Variants in AKNA observed in about 807,000 individuals in gnomAD.
AKNA encodes the protein microtubule organization protein AKNA.
Under a neutral mutation model 138.8 loss-of-function variants are expected in AKNA, and 67 were observed. The ratio of observed to expected loss-of-function variants is 0.48; its 90% CI spans 0.40 to 0.59. The LOEUF (loss-of-function observed/expected upper bound fraction) is 0.59, where lower values mean the gene tolerates loss of function less well. Among genes scored for constraint, AKNA ranks in the 20% least tolerant of loss-of-function variants. The probability of loss-of-function intolerance (pLI) is 0.00; values close to 1 mark genes in which losing one functional copy is unlikely to be tolerated. For missense variants in AKNA, 1,813 were observed against 1,880.4 expected (o/e 0.96, Z 0.66); for synonymous variants, 737 against 754.4 (o/e 0.98, Z 0.38).
intron 17 of AKNA, 37 bp from the exon 18 acceptor site, chr9:114,346,046 G>T (rs746355897): frequency 1.9e-6 from 3 of 1,602,124 alleles, no homozygotes; most frequent in East Asian, 2.2e-5. Context: ...AGGGGGCAAG[G>T]GGTGGGGGTC....
At position 114,376,954 on chromosome 9, in the gene AKNA, T is replaced by A. The variant is rs1221978486; in HGVS notation, c.853A>T (p.Thr285Ser). Residue 285 changes from threonine to serine, a missense_variant, in exon 3 of 22, where the codon ACC becomes TCC. Coordinates refer to ENST00000374088, the MANE Select transcript of AKNA (RefSeq NM_001317950.2). ...HATDRWRRET[T>S]RFFCPQPKEH... ...TTGGGCTGAGGGCAGAAGAATCTGG[T>A]CGTTTCTCTCCTCCATCTATCTGTG... 6.2e-7 allele frequency: 1 copy of A among 1,614,182 alleles called. No individual in the cohort carries two copies. The highest frequency in any genetic ancestry group is 1.1e-5 in the South Asian group (1 of 91,086).
In AKNA at chr9:114,337,154, T is replaced by G; in HGVS notation, c.4220A>C (p.Gln1407Pro). 1 of 1,610,910 alleles carries G rather than the reference T, an allele frequency of 6.2e-7. No individual in the cohort carries two copies. Residue 1407 changes from glutamine (Q) to proline (P), a missense_variant, in exon 22 of 22, where the codon CAG (glutamine) becomes CCG (proline). By Grantham distance (76) the Gln-to-Pro change is moderately conservative. Transcript: ENST00000374088. Reference protein sequence around the residue: ...ELNKALSRAVQAAESVRSTTR... With the variant: ...ELNKALSRAVPAAESVRSTTR... Reference sequence around the variant, plus strand: ...GGTAGAGCGGACGCTCTCGGCAGCCTGCACGGCCCGGCTCAGGGCCTTGTT... The same window carrying G: ...GGTAGAGCGGACGCTCTCGGCAGCCGGCACGGCCCGGCTCAGGGCCTTGTT...
At chr9:114,353,234 T>C (rs1432762948) in intron 14 of AKNA, among the ~76,000 whole-genome samples, 1 of 151,862 alleles carries the variant, frequency 6.6e-6, no homozygotes, top group African/African-American at 2.4e-5. Flanking sequence ...TCGCCAAATA[T>C]TCACATATAA....
In AKNA at chr9:114,343,844, A is replaced by C. The variant is rs763415523; in HGVS notation, c.3662-41T>G. 2.6e-6 allele frequency: 4 copies of C among 1,523,680 alleles called. No individual in the cohort carries two copies. In the African/African-American group the frequency reaches 5.5e-5, roughly 21 times the overall value. 94.4% of individuals were successfully genotyped at this position (1,523,680 alleles called of 1,614,324 possible). A position where few individuals can be genotyped will look rare whatever the true frequency, so the allele number is the denominator to read the frequency against. On this transcript the variant is annotated intron_variant, in intron 18 of 21. Coordinates refer to ENST00000374088, the MANE Select transcript of AKNA (RefSeq NM_001317950.2). ...AGAACTGTCAGTATCAGCCCTGTGG[A>C]TGGATGCAAAATAGAGGAAGATTCT...
intron 14 of AKNA, among the ~76,000 whole-genome samples, chr9:114,351,292 G>A (rs1002753189): frequency 2.6e-5 from 4 of 152,152 alleles, no homozygotes; most frequent in African/African-American, 7.2e-5. Context: ...CGAGTCTTCA[G>A]GAACTTCCCC....
chr9:114,394,009 C>A (rs1834451455), intron 1 of AKNA, among the ~76,000 whole-genome samples: 1 of 151,906 alleles, frequency 6.6e-6, no homozygotes, highest in Non-Finnish European at 1.5e-5. Context: ...CCCGTCTCTA[C>A]TAAAAATACA....
downstream of AKNA, among the ~76,000 whole-genome samples, chr9:114,332,743 C>T (rs1829879230): frequency 6.6e-6 from 1 of 152,174 alleles, no homozygotes. Flanking sequence ...CCACCCTGCT[C>T]CTCAGTTACA....
chr9:114,370,743 T>C (rs770847770), intron 4 of AKNA, among the ~76,000 whole-genome samples: 2 of 152,162 alleles, frequency 1.3e-5, no homozygotes, highest in African/African-American at 2.4e-5. Context: ...TCTGCACAGA[T>C]GGATTTCTCT....
intron 9 of AKNA, among the ~76,000 whole-genome samples, chr9:114,360,405 G>C (rs1367928459): frequency 6.6e-6 from 1 of 152,162 alleles, no homozygotes; most frequent in Admixed American, 6.5e-5. Context: ...GAGCAGAGTT[G>C]AGATTTAAAC....
intron 15 of AKNA, among the ~76,000 whole-genome samples, chr9:114,349,209 G>A (rs1274438555): frequency 4.6e-5 from 7 of 152,192 alleles, no homozygotes; most frequent in Admixed American, 1.3e-4. Flanking sequence ...GGCCGGGGGC[G>A]TGAGTCAGCC....
At chr9:114,369,998 C>T (rs1415698398) in intron 4 of AKNA, among the ~76,000 whole-genome samples, 3 of 152,298 alleles carry the variant, frequency 2.0e-5, no homozygotes, top group African/African-American at 7.2e-5. Flanking sequence ...AAGCAACACC[C>T]CTTAGTGGGA....
At chr9:114,339,150 C>T (rs1830177421) in intron 21 of AKNA, among the ~76,000 whole-genome samples, 1 of 152,122 alleles carries the variant, frequency 6.6e-6, no homozygotes, top group South Asian at 2.1e-4. Flanking sequence ...TTTCATACAC[C>T]CCCACCTTCT....
chr9:114,381,187 A>G lies in AKNA; in HGVS notation c.147T>C (p.Asn49=). 6.2e-7 allele frequency: 1 copy of G among 1,614,168 alleles called. No individual in the cohort carries two copies. The highest frequency in any genetic ancestry group is 8.5e-7 in the Non-Finnish European group (1 of 1,180,022). ...QSWEEERLFP[N]ATSPELLEDF... ...CCTCTAGGAGCTCGGGGCTGGTGGC[A>G]TTGGGAAAGAGTCTCTCTTCTTCCC... The change falls in exon 2 of 22, where the codon AAT becomes AAC. Residue 49 remains asparagine (N), a synonymous_variant. Coordinates refer to ENST00000374088, the MANE Select transcript of AKNA (RefSeq NM_001317950.2).
At chr9:114,370,516 G>A (rs553748039) in intron 4 of AKNA, among the ~76,000 whole-genome samples, 3 of 152,314 alleles carry the variant, frequency 2.0e-5, no homozygotes, top group East Asian at 1.9e-4. Flanking sequence ...CAGGCAGAGC[G>A]ATGAGGTGGG....
In AKNA at chr9:114,387,915, A is replaced by T. The variant is rs781566422; in HGVS notation, c.-169T>A. 2 of 454,608 alleles carry T rather than the reference A, an allele frequency of 4.4e-6. No individual in the cohort carries two copies. Among genetic ancestry groups the T allele is most frequent in the Non-Finnish European group, 4.4e-6 (1 of 225,954 alleles). The allele number at this position is 454,608 out of a possible 1,614,324, so 28.2% of individuals were successfully genotyped here. ...CCCAGTTTCAGGGGACCTGCCTGTG[A>T]ATTCTTTGTTCCAAACCCAGGGAGC... On this transcript the variant is annotated 5_prime_UTR_variant, in exon 1 of 22. Transcript: ENST00000374088.
At chr9:114,368,172 G>A (rs979405554) in intron 5 of AKNA, 2 of 367,930 alleles carry the variant, frequency 5.4e-6, no homozygotes, top group Non-Finnish European at 9.6e-6. Context: ...GGGCTCCCCA[G>A]GGACAATGCT....
rs952633082 is a variant in AKNA at position 114,347,896 on chromosome 9, C to G, written c.3226G>C (p.Ala1076Pro). Reference protein sequence around the residue: ...FLLTRAGRDQAICELQEEVSR... With the variant: ...FLLTRAGRDQPICELQEEVSR... ...ACCTCTTCTTGCAGCTCACAGATGG[C>G]CTGGCTGGGGTTGGAGTGGAGACAG... The change falls in exon 16 of 22, where the codon GCC becomes CCC. Residue 1076 changes from alanine to proline, a missense_variant. Physicochemically the swap from Ala to Pro is conservative, Grantham distance 27. Transcript: ENST00000374088. The G allele has an allele frequency of 1.5e-5, 23 of 1,551,302 alleles. No homozygotes were observed. The highest frequency in any genetic ancestry group is 1.8e-5 in the Non-Finnish European group (21 of 1,147,188).
chr9:114,376,923 T>C lies in AKNA; in HGVS notation c.884A>G (p.His295Arg), dbSNP rs1397532457. 3 of 1,614,064 alleles carry C rather than the reference T, an allele frequency of 1.9e-6. No homozygotes were observed. The highest frequency in any genetic ancestry group is 2.5e-6 in the Non-Finnish European group (3 of 1,180,014). ...TRFFCPQPKE[H>R]IWKQTKTSPK... ...TGACGTCTTTGTCTGCTTCCAGATG[T>C]GTTCCTTGGGCTGAGGGCAGAAGAA... The change falls in exon 3 of 22, where the codon CAC becomes CGC. Residue 295 changes from histidine (H) to arginine (R), a missense_variant. His to Arg is a conservative substitution (Grantham distance 29). Transcript: ENST00000374088.
rs1346229782 is a variant in AKNA, at chr9:114,380,981, C to CAGA, written c.274+78_274+79insTCT. ...CTGGCAATGAAGCAAGACTCTGTCT[C>CAGA]AAAAAAAAAAAAAAAAAAAAGAACG... On this transcript the variant is annotated intron_variant, in intron 2 of 21. Coordinates refer to ENST00000374088, the MANE Select transcript of AKNA (RefSeq NM_001317950.2). 32 of 1,110,528 alleles carry CAGA rather than the reference C, an allele frequency of 2.9e-5. No homozygotes were observed. The African/African-American group carries it at 8.4e-4, about 29-fold the overall frequency. The allele number at this position is 1,110,528 out of a possible 1,614,324, so 68.8% of individuals were successfully genotyped here.
Sources: allele counts gnomAD v4.1 joint callset (sites outside exome capture counted in the v4.1 genomes callset), GRCh38; gene constraint gnomAD v4.1.1; transcripts MANE v1.5; gene names NCBI Gene and HGNC (gene_info 2026-07-23, HGNC 2026-07-21).